The following TRDMT1 variants were observed in gnomAD, a reference collection of about 807,000 sequenced individuals.
TRDMT1 encodes tRNA aspartic acid methyltransferase 1.
In TRDMT1, 49 loss-of-function variants were observed where a neutral mutation model predicts 51.2. That is an observed-to-expected ratio of 0.96 (90% CI 0.76 to 1.21). TRDMT1 has a LOEUF of 1.21. Ranked by LOEUF, TRDMT1 falls within the 50% of genes most tolerant of loss-of-function variation. The probability of loss-of-function intolerance (pLI) is 0.00; values close to 1 mark genes in which losing one functional copy is unlikely to be tolerated. For synonymous variants in TRDMT1, 187 were observed against 164.6 expected (o/e 1.14, Z -1.04); for missense variants, 534 against 462.3 (o/e 1.16, Z -1.42).
rs1297295133 is a variant in TRDMT1 at position 17,150,403 on chromosome 10, G to A, written c.1076-1263C>T. On this transcript the variant is annotated intron_variant, in intron 10 of 10. Coordinates refer to ENST00000377799, the MANE Select transcript of TRDMT1 (RefSeq NM_004412.7). ...TACCCCACGGGTGTTTTTACACTCT[G>A]CTTCCACAAATTGCCTTTCTCATAT... 5 of 985,110 alleles carry A rather than the reference G, an allele frequency of 5.1e-6. No individual in the cohort carries two copies. The East Asian group carries it at 4.5e-4, about 89-fold the overall frequency. The allele number at this position is 985,110 out of a possible 1,614,324, so 61.0% of individuals were successfully genotyped here.
intron 3 of TRDMT1, among the ~76,000 whole-genome samples, chr10:17,163,981 C>T (rs1840792570): frequency 6.6e-6 from 1 of 152,108 alleles, no homozygotes; most frequent in Admixed American, 6.6e-5. Context: ...CTATTCCAAT[C>T]AATAGAAAAA....
intron 1 of TRDMT1, among the ~76,000 whole-genome samples, chr10:17,192,076 G>C (rs7088657): frequency 1.3e-5 from 2 of 152,050 alleles, no homozygotes; most frequent in Non-Finnish European, 2.9e-5. Context: ...TCCGGGCAGC[G>C]CAAAAATTAA....
At chr10:17,201,502 T>C in intron 1 of TRDMT1, 69 bp downstream of exon 1, 1 of 1,293,320 alleles carries the variant, frequency 7.7e-7, no homozygotes, top group Non-Finnish European at 1.1e-6. Flanking sequence ...GCTCCGCCCC[T>C]TCCCGGCGCG....
At position 17,143,224 on chromosome 10, in the gene TRDMT1, C is replaced by T. The variant is rs540952512; in HGVS notation, c.*5816G>A. On this transcript the variant is annotated 3_prime_UTR_variant, in exon 11 of 11. Transcript: ENST00000377799. The stretch of plus-strand genomic sequence containing the variant: ...AATATTGATTCCAGTATGGTTCCTA[C>T]ATTCACTCATTCAACAACTATTTAT... 39 of 985,460 alleles carry T rather than the reference C, an allele frequency of 4.0e-5. No homozygotes were observed. In the East Asian group the frequency reaches 1.6e-3, roughly 40 times the overall value. The allele number at this position is 985,460 out of a possible 1,614,324, so 61.0% of individuals were successfully genotyped here. A position where few individuals can be genotyped will look rare whatever the true frequency, so the allele number is the denominator to read the frequency against.
At chr10:17,169,616 T>G in intron 2 of TRDMT1, 1 of 934,278 alleles carries the variant, frequency 1.1e-6, no homozygotes, top group South Asian at 1.4e-5. Context: ...TCAGTGCACA[T>G]CTTTAGCTAG....
At chr10:17,157,093 G>A in intron 8 of TRDMT1, among the ~76,000 whole-genome samples, 1 of 152,138 alleles carries the variant, frequency 6.6e-6, no homozygotes, top group East Asian at 1.9e-4. Flanking sequence ...TTGATCATAA[G>A]AGTGAACACT....
At position 17,159,237 on chromosome 10, in the gene TRDMT1, C is replaced by T; in HGVS notation, c.460-8G>A. On this transcript the variant is annotated splice_region_variant and splice_polypyrimidine_tract_variant and intron_variant, in intron 6 of 10. Coordinates refer to ENST00000377799, the MANE Select transcript of TRDMT1 (RefSeq NM_004412.7). ...TGAATTTGGAATGCCAAGCTGTAAG[C>T]AAAGCAAAGCAGTTAGTTACTCTAA... 6.3e-7 allele frequency: 1 copy of T among 1,583,518 alleles called. No homozygotes were observed. Among genetic ancestry groups the T allele is most frequent in the East Asian group, 2.3e-5 (1 of 44,028 alleles).
chr10:17,187,953 A>G (rs1844164104), intron 1 of TRDMT1, among the ~76,000 whole-genome samples: 1 of 152,180 alleles, frequency 6.6e-6, no homozygotes, highest in Admixed American at 6.5e-5. Context: ...AAATGACTTC[A>G]TATTGTATAA....
At chr10:17,151,253 T>C (rs1838692432) in intron 10 of TRDMT1, 3 of 961,854 alleles carry the variant, frequency 3.1e-6, no homozygotes, top group African/African-American at 3.5e-5. Flanking sequence ...AAGACAACTT[T>C]TAAAAAACTT....
At position 17,144,780 on chromosome 10, in the gene TRDMT1, A is replaced by C; in HGVS notation, c.*4260T>G. 3 of 985,444 alleles carry C rather than the reference A, an allele frequency of 3.0e-6. No individual in the cohort carries two copies. Among genetic ancestry groups the C allele is most frequent in the Non-Finnish European group, 2.4e-6 (2 of 829,924 alleles). The allele number at this position is 985,444 out of a possible 1,614,324, so 61.0% of individuals were successfully genotyped here. The stretch of plus-strand genomic sequence containing the variant: ...CTAGACAGCCTAAAGAGAGAAACGG[A>C]AGCTAGAAACAACAACAACAAAAAA... On this transcript the variant is annotated 3_prime_UTR_variant, in exon 11 of 11. Transcript: ENST00000377799.
intron 2 of TRDMT1, chr10:17,169,290 G>C: frequency 1.7e-6 from 2 of 1,157,424 alleles, no homozygotes; most frequent in African/African-American, 3.2e-5. Flanking sequence ...ATGGGGTCTA[G>C]GAAATTTTTA....
chr10:17,152,700 C>G (rs1838912866), intron 10 of TRDMT1, among the ~76,000 whole-genome samples: 3 of 152,146 alleles, frequency 2.0e-5, no homozygotes, highest in Admixed American at 2.0e-4. Flanking sequence ...AGAGCACTGG[C>G]CCCGGTAGTG....
chr10:17,169,647 A>G (rs1007108402), intron 2 of TRDMT1: 2 of 688,614 alleles, frequency 2.9e-6, no homozygotes, highest in Non-Finnish European at 4.5e-6. Context: ...AAATGAGCCC[A>G]GAATCAAAAC....
intron 3 of TRDMT1, among the ~76,000 whole-genome samples, chr10:17,165,472 G>A (rs1207054809): frequency 6.6e-6 from 1 of 152,170 alleles, no homozygotes; most frequent in Non-Finnish European, 1.5e-5. Flanking sequence ...AGGACTTTAT[G>A]TCTAAAACAC....
chr10:17,182,602 G>C (rs1310408152), intron 1 of TRDMT1, among the ~76,000 whole-genome samples: 1 of 152,164 alleles, frequency 6.6e-6, no homozygotes. Flanking sequence ...ATTGAAGAAA[G>C]AAGGTCAAGA....
At chr10:17,152,340 G>A (rs115590672) in intron 10 of TRDMT1, among the ~76,000 whole-genome samples, 2 of 152,242 alleles carry the variant, frequency 1.3e-5, no homozygotes, top group African/African-American at 4.8e-5. Flanking sequence ...TACACTCAGA[G>A]AATCAATTAC....
intron 1 of TRDMT1, among the ~76,000 whole-genome samples, chr10:17,194,130 A>C (rs1588684956): frequency 1.3e-5 from 2 of 152,224 alleles, no homozygotes; most frequent in African/African-American, 4.8e-5. Flanking sequence ...CTAGACCCCT[A>C]CCTTTCACCA....
At position 17,146,065 on chromosome 10, in the gene TRDMT1, C is replaced by T; in HGVS notation, c.*2975G>A. 1 of 985,414 alleles carries T rather than the reference C, an allele frequency of 1.0e-6. No individual in the cohort carries two copies. The highest frequency in any genetic ancestry group is 1.2e-6 in the Non-Finnish European group (1 of 829,920). The allele number at this position is 985,414 out of a possible 1,614,324, so 61.0% of individuals were successfully genotyped here. Reference sequence around the variant, plus strand: ...TCATCTCTAACCCCATCCAATTTTACATCCCACATGGTAGCAATACAGCCT... The same window carrying T: ...TCATCTCTAACCCCATCCAATTTTATATCCCACATGGTAGCAATACAGCCT... On this transcript the variant is annotated 3_prime_UTR_variant, in exon 11 of 11. Coordinates refer to ENST00000377799, the MANE Select transcript of TRDMT1 (RefSeq NM_004412.7).
chr10:17,143,706 A>T lies in TRDMT1; in HGVS notation c.*5334T>A. ...AGTGACTTTTTATAAGTTTTCCTAA[A>T]AATAAATGATCGTTCAGAGGCCTGC... is the stretch of plus-strand genomic sequence containing the variant. On this transcript the variant is annotated 3_prime_UTR_variant, in exon 11 of 11. Coordinates refer to ENST00000377799, the MANE Select transcript of TRDMT1 (RefSeq NM_004412.7). 1.0e-6 allele frequency: 1 copy of T among 985,448 alleles called. No individual in the cohort carries two copies. Among genetic ancestry groups the T allele is most frequent in the Non-Finnish European group, 1.2e-6 (1 of 829,934 alleles). 61.0% of individuals were successfully genotyped at this position (985,448 alleles called of 1,614,324 possible).
Sources: allele counts gnomAD v4.1 joint callset (sites outside exome capture counted in the v4.1 genomes callset), GRCh38; gene constraint gnomAD v4.1.1; transcripts MANE v1.5; gene names NCBI Gene and HGNC (gene_info 2026-07-23, HGNC 2026-07-21).